Variants in NPSR1 observed in about 807,000 individuals in gnomAD.
The protein encoded by NPSR1 is neuropeptide S receptor.
Under a neutral mutation model 46.9 loss-of-function variants are expected in NPSR1, and 48 were observed. The ratio of observed to expected loss-of-function variants is 1.02; its 90% CI spans 0.81 to 1.30. NPSR1 has a LOEUF of 1.30. Among genes scored for constraint, NPSR1 ranks in the 50% most tolerant of loss-of-function variants. The probability of loss-of-function intolerance (pLI) is 0.00; values close to 1 mark genes in which losing one functional copy is unlikely to be tolerated. For synonymous variants in NPSR1, 176 were observed against 168.1 expected, an observed-to-expected ratio of 1.05 and a Z score of -0.36; for missense variants, 450 against 449.5, an observed-to-expected ratio of 1.00 and a Z score of -0.01.
At chr7:34,852,093 C>A (rs1484548418), downstream of NPSR1, among the ~76,000 whole-genome samples, 1 of 152,028 alleles carries the variant, frequency 6.6e-6, no homozygotes, top group African/African-American at 2.4e-5. Context: ...GCCAGGAGAT[C>A]GAGACCATTC....
chr7:34,854,405 C>T (rs896781393), downstream of NPSR1, among the ~76,000 whole-genome samples: 1 of 152,110 alleles, frequency 6.6e-6, no homozygotes, highest in Non-Finnish European at 1.5e-5. Context: ...TAACTGTCTG[C>T]TGTTTACAAA....
downstream of NPSR1, among the ~76,000 whole-genome samples, chr7:34,852,313 AAG>A (rs1331593549): frequency 6.9e-6 from 1 of 145,984 alleles, no homozygotes; most frequent in Non-Finnish European, 1.5e-5. Context: ...GAAAGAGAGA[AAG>A]AGAGAAAGAG....
At chr7:34,688,081 C>T (rs1332499252) in intron 2 of NPSR1, among the ~76,000 whole-genome samples, 1 of 152,112 alleles carries the variant, frequency 6.6e-6, no homozygotes, top group Non-Finnish European at 1.5e-5. Flanking sequence ...AAAGATACAA[C>T]CTACAAGTAA....
intron 1 of NPSR1, among the ~76,000 whole-genome samples, chr7:34,667,905 G>C (rs1791832925): frequency 6.6e-6 from 1 of 151,882 alleles, no homozygotes; most frequent in South Asian, 2.1e-4. Context: ...CTGATTCCAA[G>C]TATTAGCAAA....
At chr7:34,673,727 G>A (rs1354953224) in intron 1 of NPSR1, among the ~76,000 whole-genome samples, 2 of 152,196 alleles carry the variant, frequency 1.3e-5, no homozygotes, top group East Asian at 1.9e-4. Context: ...AAAGTGATAT[G>A]AGAAGCCTTA....
intron 2 of NPSR1, among the ~76,000 whole-genome samples, chr7:34,696,057 C>G (rs991503898): frequency 1.4e-5 from 2 of 142,798 alleles, no homozygotes; most frequent in African/African-American, 5.2e-5. Context: ...GAAGCTCAGT[C>G]TCCAGCAATG....
intron 3 of NPSR1, among the ~76,000 whole-genome samples, chr7:34,798,992 T>C (rs1012122070): frequency 1.3e-5 from 2 of 152,100 alleles, no homozygotes; most frequent in African/African-American, 2.4e-5. Context: ...TGAATGGATA[T>C]ATTAGAAAAT....
rs763858785 is a variant in NPSR1 at position 34,811,830 on chromosome 7, G to C, written c.445G>C (p.Ala149Pro). 3.7e-6 allele frequency: 6 copies of C among 1,613,118 alleles called. No homozygotes were observed. The African/African-American group carries it at 4.0e-5, about 11-fold the overall frequency. Reference sequence around the variant, plus strand: ...GTCCCTCAGCATAGACAGATACCATGCCATCGTCTACCCCATGAAGTTCCT... The same window carrying C: ...GTCCCTCAGCATAGACAGATACCATCCCATCGTCTACCCCATGAAGTTCCT... ...LVSLSIDRYH[A>P]IVYPMKFLQG... Residue 149 changes from alanine to proline, a missense_variant, in exon 4 of 9, where the codon GCC (alanine) becomes CCC (proline). By Grantham distance (27) the Ala-to-Pro change is conservative. Coordinates refer to ENST00000360581, the MANE Select transcript of NPSR1 (RefSeq NM_207172.2).
chr7:34,774,941 A>G (rs567442736), intron 2 of NPSR1, among the ~76,000 whole-genome samples: 3 of 152,314 alleles, frequency 2.0e-5, no homozygotes, highest in African/African-American at 7.2e-5. Context: ...TTGAGAATGT[A>G]AGATACAGCA....
At chr7:34,868,861 C>T (rs1010868917) in intron 8 of NPSR1, among the ~76,000 whole-genome samples, 3 of 151,430 alleles carry the variant, frequency 2.0e-5, no homozygotes, top group African/African-American at 4.9e-5. Flanking sequence ...GAAAGAGGTG[C>T]GGCTGACCCT....
Position 34,723,698 on chromosome 7 carries a change from G to T in NPSR1, c.280+39014G>T, listed in dbSNP as rs1486643369. ...CTATCCAGCCTTTTTTTGAGAGGGG[G>T]ATCTCACTATGTTTCCAAGGCTAGA... On this transcript the variant is annotated intron_variant, in intron 2 of 8. Transcript: ENST00000360581. Among the ~76,000 whole-genome samples, 4 of 151,886 alleles carry T rather than the reference G, an allele frequency of 2.6e-5. No individual in the cohort carries two copies. In the East Asian group the frequency reaches 7.7e-4, roughly 29 times the overall value.
chr7:34,716,894 G>C (rs146931184), intron 2 of NPSR1, among the ~76,000 whole-genome samples: 44 of 152,216 alleles, frequency 2.9e-4, no homozygotes, highest in African/African-American at 1.1e-3. Context: ...ACCAAGACCA[G>C]AGTGTCAGGG....
intron 1 of NPSR1, among the ~76,000 whole-genome samples, chr7:34,678,517 G>A (rs1364532250): frequency 1.3e-5 from 2 of 152,124 alleles, no homozygotes; most frequent in African/African-American, 4.8e-5. Flanking sequence ...AGCTTGAAAG[G>A]ACATTGCATT....
intron 3 of NPSR1, 84 bp from the exon 4 acceptor site, chr7:34,811,686 A>C: frequency 1.1e-6 from 1 of 900,530 alleles, no homozygotes; most frequent in Non-Finnish European, 1.7e-6. Context: ...CAGATTTCTA[A>C]ATAACACAAG....
intron 5 of NPSR1, among the ~76,000 whole-genome samples, chr7:34,831,452 A>G (rs1193685816): frequency 6.6e-6 from 1 of 152,062 alleles, no homozygotes; most frequent in African/African-American, 2.4e-5. Flanking sequence ...GGAAAGAAGA[A>G]AGGGAGAAAA....
At chr7:34,711,151 G>T in intron 2 of NPSR1, 1 of 268,100 alleles carries the variant, frequency 3.7e-6, no homozygotes, top group South Asian at 4.9e-5. Flanking sequence ...GCATGCTGAG[G>T]ATTGTAGAAC....
chr7:34,782,411 C>T (rs1787269071), intron 3 of NPSR1, among the ~76,000 whole-genome samples: 1 of 152,260 alleles, frequency 6.6e-6, no homozygotes, highest in Non-Finnish European at 1.5e-5. Context: ...GCAGCCATCA[C>T]CACTGAAGAC....
chr7:34,663,513 A>G (rs1391097582), intron 1 of NPSR1, among the ~76,000 whole-genome samples: 1 of 152,110 alleles, frequency 6.6e-6, no homozygotes, highest in Non-Finnish European at 1.5e-5. Context: ...CCTGGTCCCT[A>G]CACAGTAAGT....
intron 4 of NPSR1, among the ~76,000 whole-genome samples, chr7:34,813,538 A>G (rs990750864): frequency 6.6e-6 from 1 of 152,200 alleles, no homozygotes; most frequent in African/African-American, 2.4e-5. Context: ...ACATATCCAT[A>G]TTGTATGCTG....
Sources: gnomAD v4.1 joint callset for allele counts (sites outside exome capture counted in the v4.1 genomes callset) on GRCh38, gnomAD v4.1.1 for gene constraint, MANE v1.5 for transcripts, NCBI Gene and HGNC (gene_info 2026-07-23, HGNC 2026-07-21) for gene names.